CACNB2: variants seen among roughly 807,000 people sequenced by gnomAD.
CACNB2 encodes voltage-dependent L-type calcium channel subunit beta-2.
Under a neutral mutation model 73.3 loss-of-function variants are expected in CACNB2, and 42 were observed. That is an observed-to-expected ratio of 0.57 (90% CI 0.45 to 0.74). The LOEUF (loss-of-function observed/expected upper bound fraction) is 0.74. Among genes scored for constraint, CACNB2 ranks in the 30% least tolerant of loss-of-function variants. The pLI is 0.00. For synonymous variants in CACNB2, 348 were observed against 310.3 expected (o/e 1.12, Z -1.28); for missense variants, 940 against 853.0 (o/e 1.10, Z -1.27).
At chr10:18,517,334 A>G (rs540582448) in intron 7 of CACNB2, among the ~76,000 whole-genome samples, 2 of 152,176 alleles carry the variant, frequency 1.3e-5, no homozygotes. Flanking sequence ...TATGCTATCA[A>G]AAGAGCCAAT....
chr10:18,513,537 T>G, intron 6 of CACNB2: 1 of 398,532 alleles, frequency 2.5e-6, no homozygotes, highest in Non-Finnish European at 5.0e-6. Context: ...GTACGTTCAT[T>G]AGCAGTTCCT....
chr10:18,212,108 A>G (rs1411732090), intron 2 of CACNB2, among the ~76,000 whole-genome samples: 3 of 152,182 alleles, frequency 2.0e-5, no homozygotes, highest in Non-Finnish European at 4.4e-5. Context: ...AACTCAGTCA[A>G]TCAGTGGGGA....
At chr10:18,258,168 T>C (rs1588866787) in intron 2 of CACNB2, among the ~76,000 whole-genome samples, 1 of 152,286 alleles carries the variant, frequency 6.6e-6, no homozygotes, top group East Asian at 1.9e-4. Flanking sequence ...CGAATCAAAT[T>C]AGTTAGTGCT....
At chr10:18,171,817 G>C (rs924050204) in intron 2 of CACNB2, among the ~76,000 whole-genome samples, 3 of 151,968 alleles carry the variant, frequency 2.0e-5, no homozygotes, top group Non-Finnish European at 4.4e-5. Flanking sequence ...TAAAGATGTT[G>C]GGCAAGCAGA....
chr10:18,396,177 G>A lies in CACNB2; in HGVS notation c.214-5747G>A, dbSNP rs1373937914. Among the ~76,000 whole-genome samples, 3 of 151,986 alleles carry A rather than the reference G, an allele frequency of 2.0e-5. No homozygotes were observed. In the East Asian group the frequency reaches 5.8e-4, roughly 29 times the overall value. ...TCACCATGTTGCCCCGGCTGGTCTTGAACTCCTGGCCTCAAGTGATCTGCC... is the reference window on the plus strand; with the variant it reads ...TCACCATGTTGCCCCGGCTGGTCTTAAACTCCTGGCCTCAAGTGATCTGCC... On this transcript the variant is annotated intron_variant, in intron 2 of 13. Coordinates refer to ENST00000324631, the MANE Select transcript of CACNB2 (RefSeq NM_201596.3).
intron 3 of CACNB2, among the ~76,000 whole-genome samples, chr10:18,403,251 C>T (rs1242843445): frequency 6.6e-6 from 1 of 152,148 alleles, no homozygotes; most frequent in Non-Finnish European, 1.5e-5. Context: ...CAGTTGCCAT[C>T]AATGAATCTG....
chr10:18,500,312 TAGAGA>T, intron 4 of CACNB2, among the ~76,000 whole-genome samples: 1 of 152,330 alleles, frequency 6.6e-6, no homozygotes, highest in Non-Finnish European at 1.5e-5. Flanking sequence ...ATCACACAAG[TAGAGA>T]AATCATCTGT....
Position 18,260,639 on chromosome 10 carries a change from G to T in CACNB2, c.213+109664G>T, listed in dbSNP as rs914648245. On this transcript the variant is annotated intron_variant, in intron 2 of 13. Transcript: ENST00000324631. ...AGACTCAGTCATTTTTCAGGGTCAG[G>T]GGAGGAGGGAGAAGTAGCAAATCAG... 6 of 987,464 alleles carry T rather than the reference G, an allele frequency of 6.1e-6. No homozygotes were observed. In the African/African-American group the frequency reaches 1.0e-4, roughly 17 times the overall value. The allele number at this position is 987,464 out of a possible 1,614,324, so 61.2% of individuals were successfully genotyped here. A position where few individuals can be genotyped will look rare whatever the true frequency, so the allele number is the denominator to read the frequency against.
At chr10:18,371,873 T>C (rs1452032477) in intron 2 of CACNB2, among the ~76,000 whole-genome samples, 1 of 152,244 alleles carries the variant, frequency 6.6e-6, no homozygotes, top group African/African-American at 2.4e-5. Flanking sequence ...TGTTGTTTCC[T>C]GACTTTTTAA....
At chr10:18,255,781 C>T (rs544317522) in intron 2 of CACNB2, among the ~76,000 whole-genome samples, 1 of 152,276 alleles carries the variant, frequency 6.6e-6, no homozygotes, top group African/African-American at 2.4e-5. Context: ...TGTCAGAAGA[C>T]GGACCCTTCT....
intron 2 of CACNB2, among the ~76,000 whole-genome samples, chr10:18,356,962 T>TTTTTTTTTG (rs2041943824): frequency 7.1e-6 from 1 of 141,328 alleles, no homozygotes; most frequent in Non-Finnish European, 1.6e-5. Context: ...TTTTTTTTTT[T>TTTTTTTTTG]GAGACGGAGT....
intron 11 of CACNB2, 29 bp from the exon 12 acceptor site, chr10:18,536,072 C>G (rs973008357): frequency 7.5e-7 from 1 of 1,335,770 alleles, no homozygotes; most frequent in Non-Finnish European, 1.1e-6. Context: ...GTAGTTATTA[C>G]TCTGTTAAAA....
rs149201285 is a variant in CACNB2 at position 18,347,720 on chromosome 10, G to C, written c.214-54204G>C. ...CTTTGAAGCCTGAGTAATTACTTAA[G>C]GAATGTACCTTGAATCTTGAGACCA... On this transcript the variant is annotated intron_variant, in intron 2 of 13. Transcript: ENST00000324631. Among the ~76,000 whole-genome samples, 277 of 152,184 alleles carry C rather than the reference G, an allele frequency of 1.8e-3. 2 individuals carry two copies. The highest frequency in any genetic ancestry group is 5.9e-3 in the African/African-American group (245 of 41,514).
chr10:18,341,505 T>G lies in CACNB2; in HGVS notation c.214-60419T>G, dbSNP rs545149887. On this transcript the variant is annotated intron_variant, in intron 2 of 13. Coordinates refer to ENST00000324631, the MANE Select transcript of CACNB2 (RefSeq NM_201596.3). Reference sequence around the variant, plus strand: ...AAAGCTTTGCCACACGAGGACTGACTGTTTGGGTCTTCGGATTTGGTTTAG... The same window carrying G: ...AAAGCTTTGCCACACGAGGACTGACGGTTTGGGTCTTCGGATTTGGTTTAG... Among the ~76,000 whole-genome samples the G allele has an allele frequency of 7.2e-5, 11 of 152,286 alleles. No homozygotes were observed. In the East Asian group the frequency reaches 2.1e-3, roughly 29 times the overall value.
intron 2 of CACNB2, among the ~76,000 whole-genome samples, chr10:18,302,530 A>G (rs2039565476): frequency 6.6e-6 from 1 of 152,232 alleles, no homozygotes; most frequent in Admixed American, 6.5e-5. Context: ...AAAGGAATGA[A>G]TTAATGGCAT....
chr10:18,293,939 G>C (rs1022988258), intron 2 of CACNB2, among the ~76,000 whole-genome samples: 2 of 152,176 alleles, frequency 1.3e-5, no homozygotes, highest in East Asian at 3.8e-4. Flanking sequence ...TTTAGGTATT[G>C]AATGACGTTT....
intron 3 of CACNB2, among the ~76,000 whole-genome samples, chr10:18,444,545 C>G (rs1012221345): frequency 6.6e-6 from 1 of 152,066 alleles, no homozygotes; most frequent in African/African-American, 2.4e-5. Flanking sequence ...AGTTTTATGG[C>G]GGGAGCAGTG....
chr10:18,467,629 A>G (rs2047964926), intron 3 of CACNB2, among the ~76,000 whole-genome samples: 1 of 152,208 alleles, frequency 6.6e-6, no homozygotes, highest in Non-Finnish European at 1.5e-5. Flanking sequence ...AGTAGGAGAA[A>G]TTGGAAAATA....
At chr10:18,339,874 G>C (rs879585052) in intron 2 of CACNB2, among the ~76,000 whole-genome samples, 66 of 152,292 alleles carry the variant, frequency 4.3e-4, no homozygotes, top group Non-Finnish European at 9.0e-4. Context: ...ACAGGTGGCT[G>C]ACTGAGCTTG....
Sources: gnomAD v4.1 joint callset for allele counts (sites outside exome capture counted in the v4.1 genomes callset) on GRCh38, gnomAD v4.1.1 for gene constraint, MANE v1.5 for transcripts, NCBI Gene and HGNC (gene_info 2026-07-23, HGNC 2026-07-21) for gene names.